DHX32: variants seen among roughly 807,000 people sequenced by gnomAD.
DHX32 encodes the protein DEAH-box helicase 32 (putative), also known as putative pre-mRNA-splicing factor ATP-dependent RNA helicase DHX32.
Under a neutral mutation model 70.0 loss-of-function variants are expected in DHX32, and 51 were observed. The ratio of observed to expected loss-of-function variants is 0.73; its 90% CI spans 0.58 to 0.92. The LOEUF is 0.92. DHX32 is among the 40% of genes least tolerant of loss of function. The pLI is 0.00. For missense variants in DHX32, 762 were observed against 891.8 expected (o/e 0.85, Z 1.85); for synonymous variants, 310 against 315.3 (o/e 0.98, Z 0.18).
intron 1 of DHX32, among the ~76,000 whole-genome samples, chr10:125,895,174 C>A (rs542295623): frequency 4.6e-5 from 7 of 152,352 alleles, no homozygotes; most frequent in African/African-American, 1.7e-4. Context: ...GTTTCCATCA[C>A]AGAATATATG....
chr10:125,852,328 G>T lies in DHX32; in HGVS notation c.1316C>A (p.Ala439Glu), dbSNP rs143704757. 27 of 1,614,014 alleles carry T rather than the reference G, an allele frequency of 1.7e-5. No individual in the cohort carries two copies. Among genetic ancestry groups the T allele is most frequent in the Non-Finnish European group, 2.3e-5 (27 of 1,180,038 alleles). Reference sequence around the variant, plus strand: ...CATGAAGTCACAGTGGCCTAGGCCCGCAATGTCTATCCTCTTCATAAAAAG... The same window carrying T: ...CATGAAGTCACAGTGGCCTAGGCCCTCAATGTCTATCCTCTTCATAAAAAG... ...MVLFMKRIDI[A>E]GLGHCDFMNR... Residue 439 changes from alanine (A) to glutamate (E), a missense_variant, in exon 6 of 11, where the codon GCG (alanine) becomes GAG (glutamate). Ala to Glu is a moderately radical substitution (Grantham distance 107). This residue lies in a region of DHX32 where 366 missense variants were observed against 402.6 expected (regional missense o/e 0.91). Coordinates refer to ENST00000284690, the MANE Select transcript of DHX32 (RefSeq NM_018180.3).
At chr10:125,881,996 A>G (rs1944320216), upstream of DHX32, among the ~76,000 whole-genome samples, 1 of 152,204 alleles carries the variant, frequency 6.6e-6, no homozygotes, top group South Asian at 2.1e-4. Context: ...AATCTCTAGC[A>G]TATTTCTTGA....
intron 1 of DHX32, among the ~76,000 whole-genome samples, chr10:125,895,810 G>A (rs1589726167): frequency 2.8e-5 from 4 of 143,144 alleles, no homozygotes; most frequent in East Asian, 4.2e-4. Flanking sequence ...GGATGACGGG[G>A]CAAAGCCGGG....
At chr10:125,892,359 T>C (rs1389091777) in intron 1 of DHX32, among the ~76,000 whole-genome samples, 1 of 152,310 alleles carries the variant, frequency 6.6e-6, no homozygotes, top group Non-Finnish European at 1.5e-5. Flanking sequence ...CATTTGAGTG[T>C]TGCCAGTGAT....
intron 2 of DHX32, among the ~76,000 whole-genome samples, chr10:125,860,891 T>C (rs1170527787): frequency 6.7e-6 from 1 of 150,170 alleles, no homozygotes; most frequent in African/African-American, 2.5e-5. Flanking sequence ...TAGCTGGGAC[T>C]ACAGGCGCCC....
Position 125,881,036 on chromosome 10 carries a change from C to CCTG in DHX32, c.-213_-212insCAG. ...CCCACTGTGCTGGCTCACTACAGCA[C>CCTG]TCTTCGGCATTGTAAATGATTGTCA... On this transcript the variant is annotated 5_prime_UTR_variant, in exon 1 of 11. Coordinates refer to ENST00000284690, the MANE Select transcript of DHX32 (RefSeq NM_018180.3). The CCTG allele has an allele frequency of 2.0e-6, 1 of 492,234 alleles. No individual in the cohort carries two copies. The highest frequency in any genetic ancestry group is 3.1e-5 in the East Asian group (1 of 32,070). 30.5% of individuals were successfully genotyped at this position (492,234 alleles called of 1,614,324 possible). A position where few individuals can be genotyped will look rare whatever the true frequency, so the allele number is the denominator to read the frequency against.
At chr10:125,876,618 T>C (rs1471953752) in intron 1 of DHX32, among the ~76,000 whole-genome samples, 5 of 152,234 alleles carry the variant, frequency 3.3e-5, no homozygotes, top group African/African-American at 2.4e-5. Flanking sequence ...TTGCCACAAA[T>C]GCAGAGCCGG....
At chr10:125,858,903 A>G (rs1436474436) in intron 3 of DHX32, among the ~76,000 whole-genome samples, 2 of 152,130 alleles carry the variant, frequency 1.3e-5, no homozygotes, top group Non-Finnish European at 2.9e-5. Context: ...TAAAAAAAAA[A>G]TGCAACCCCA....
intron 3 of DHX32, among the ~76,000 whole-genome samples, chr10:125,858,990 A>T (rs985535484): frequency 6.6e-6 from 1 of 151,994 alleles, no homozygotes; most frequent in Non-Finnish European, 1.5e-5. Context: ...CATTCTTTTA[A>T]AGAGATGTTT....
In DHX32 at chr10:125,880,663, T is replaced by C; in HGVS notation, c.162A>G (p.Lys54=). ...GAAGATCTTCTCTTTCTTTCAGAAG[T>C]TTATAATAACGTGATGAATATGGCA... ...DGLPYSSRYY[K]LLKEREDLPI... Residue 54 remains lysine, a synonymous_variant, in exon 1 of 11, where the codon AAA becomes AAG. Transcript: ENST00000284690. 1 of 1,614,190 alleles carries C rather than the reference T, an allele frequency of 6.2e-7. No homozygotes were observed. Among genetic ancestry groups the C allele is most frequent in the Non-Finnish European group, 8.5e-7 (1 of 1,180,036 alleles).
chr10:125,855,151 GAC>G (rs1273782267), intron 3 of DHX32, among the ~76,000 whole-genome samples: 1 of 150,688 alleles, frequency 6.6e-6, no homozygotes, highest in Non-Finnish European at 1.5e-5. Context: ...GAACCCGGGA[GAC>G]AGAGGTTGCA....
intron 1 of DHX32, 88 bp from the exon 2 acceptor site, chr10:125,867,271 A>G (rs1003564701): frequency 1.8e-5 from 21 of 1,184,950 alleles, no homozygotes; most frequent in Non-Finnish European, 2.3e-5. Flanking sequence ...TCATCTTATA[A>G]GTGATTTTCT....
At chr10:125,837,964 T>C (rs867903743) in intron 10 of DHX32, among the ~76,000 whole-genome samples, 1 of 152,204 alleles carries the variant, frequency 6.6e-6, no homozygotes, top group African/African-American at 2.4e-5. Context: ...ATTCTGTCCT[T>C]CTTAAAGACA....
chr10:125,853,297 G>A lies in DHX32; in HGVS notation c.1093-655C>T, dbSNP rs1297984565. The A allele has an allele frequency of 2.1e-5, 22 of 1,034,224 alleles. 1 individual carries two copies. The South Asian group carries it at 2.2e-4, about 11-fold the overall frequency. 64.1% of individuals were successfully genotyped at this position (1,034,224 alleles called of 1,614,324 possible). A position where few individuals can be genotyped will look rare whatever the true frequency, so the allele number is the denominator to read the frequency against. On this transcript the variant is annotated intron_variant, in intron 4 of 10. Coordinates refer to ENST00000284690, the MANE Select transcript of DHX32 (RefSeq NM_018180.3). ...GTCTCCTGGAGGGATAAAACATCTC[G>A]GCACCTAGTAATGGTAAATTAGTCA...
intron 1 of DHX32, among the ~76,000 whole-genome samples, chr10:125,888,014 C>T (rs1289830092): frequency 6.6e-6 from 1 of 151,984 alleles, no homozygotes; most frequent in Non-Finnish European, 1.5e-5. Flanking sequence ...TCCTTTTTTC[C>T]CTAAGCCCAC....
At chr10:125,837,483 G>A (rs796110092) in intron 10 of DHX32, among the ~76,000 whole-genome samples, 33 of 152,204 alleles carry the variant, frequency 2.2e-4, no homozygotes, top group African/African-American at 7.2e-4. Flanking sequence ...GCTGGTGTGC[G>A]GTGGTGTGAC....
intron 2 of DHX32, among the ~76,000 whole-genome samples, chr10:125,862,427 A>G (rs1471153860): frequency 1.3e-5 from 2 of 150,786 alleles, no homozygotes; most frequent in Non-Finnish European, 2.9e-5. Context: ...ATTGAAATCT[A>G]GTTTTCAATT....
At position 125,841,776 on chromosome 10, in the gene DHX32, C is replaced by T. The variant is rs748857701; in HGVS notation, c.1510G>A (p.Asp504Asn). The change falls in exon 7 of 11, where the codon GAT becomes AAT. Residue 504 changes from aspartate (D) to asparagine (N), a missense_variant. Asp to Asn is a conservative substitution (Grantham distance 23). Around this residue, in one of 3 missense-constraint regions of DHX32, gnomAD observed 366 missense variants for 402.6 expected, o/e 0.91. Coordinates refer to ENST00000284690, the MANE Select transcript of DHX32 (RefSeq NM_018180.3). Reference sequence around the variant, plus strand: ...ATGGCTGCGATTGTTAGCACTTCATCTACACAGTCAAATTCACAGGACGCT... The same window carrying T: ...ATGGCTGCGATTGTTAGCACTTCATTTACACAGTCAAATTCACAGGACGCT... ...ILASCEFDCV[D>N]EVLTIAAMVT... The T allele has an allele frequency of 6.2e-7, 1 of 1,612,658 alleles. No individual in the cohort carries two copies. The highest frequency in any genetic ancestry group is 8.5e-7 in the Non-Finnish European group (1 of 1,179,784).
chr10:125,859,700 G>T lies in DHX32; in HGVS notation c.752C>A (p.Ala251Asp). ...HPVEVVYLSE[A>D]QKDSFESILR... is the part of the protein sequence containing the mutation. ...AATAGACTCAAAAGAATCCTTTTGA[G>T]CCTCACTAAGGTACACAACCTCCAC... is the stretch of plus-strand genomic sequence containing the variant. Residue 251 changes from alanine to aspartate, a missense_variant, in exon 3 of 11, where the codon GCT becomes GAT. Around this residue, in one of 3 missense-constraint regions of DHX32, gnomAD observed 394 missense variants for 473.1 expected, o/e 0.83. Transcript: ENST00000284690. 6.2e-7 allele frequency: 1 copy of T among 1,613,948 alleles called. No individual in the cohort carries two copies. The highest frequency in any genetic ancestry group is 8.5e-7 in the Non-Finnish European group (1 of 1,179,992).
Sources: gnomAD v4.1 joint callset for allele counts (sites outside exome capture counted in the v4.1 genomes callset) on GRCh38, gnomAD v4.1.1 for gene constraint, gnomAD v4.1.1 regional missense constraint, MANE v1.5 for transcripts, NCBI Gene and HGNC (gene_info 2026-07-23, HGNC 2026-07-21) for gene names.